The following CTNNA2 variants were observed in gnomAD, a reference collection of about 807,000 sequenced individuals.
CTNNA2 encodes catenin alpha-2.
CTNNA2 carries 42 observed loss-of-function variants against 101.0 expected under a neutral mutation model. The ratio of observed to expected loss-of-function variants is 0.42; its 90% confidence interval spans 0.32 to 0.54. The LOEUF (loss-of-function observed/expected upper bound fraction) is 0.54, where lower values mean the gene tolerates loss of function less well. Among genes scored for constraint, CTNNA2 ranks in the 20% least tolerant of loss-of-function variants. CTNNA2 has a pLI of 0.14. For synonymous variants in CTNNA2, 450 were observed against 456.4 expected, an observed-to-expected ratio of 0.99 and a Z score of 0.18; for missense variants, 871 against 1,223.1, an observed-to-expected ratio of 0.71 and a Z score of 4.29.
At chr2:80,551,092 CTG>C (rs1020440795) in intron 11 of CTNNA2, among the ~76,000 whole-genome samples, 1 of 152,200 alleles carries the variant, frequency 6.6e-6, no homozygotes, top group African/African-American at 2.4e-5. Flanking sequence ...CTATTAATCT[CTG>C]TGTATATCTC....
chr2:79,529,432 C>T (rs1208425829), intron 1 of CTNNA2, among the ~76,000 whole-genome samples: 1 of 152,098 alleles, frequency 6.6e-6, no homozygotes, highest in Non-Finnish European at 1.5e-5. Context: ...CTTCAATAGA[C>T]ATTTAGGAAT....
intron 7 of CTNNA2, among the ~76,000 whole-genome samples, chr2:79,925,595 A>G (rs1432118081): frequency 8.5e-5 from 13 of 152,124 alleles, no homozygotes; most frequent in Admixed American, 8.5e-4. Flanking sequence ...AAGAAAAAGC[A>G]AAATTTGTTT....
intron 7 of CTNNA2, among the ~76,000 whole-genome samples, chr2:80,350,113 G>A (rs940907435): frequency 2.0e-5 from 3 of 152,090 alleles, no homozygotes; most frequent in Non-Finnish European, 4.4e-5. Context: ...AGCAAGAGAA[G>A]GTATTCTTTA....
At chr2:80,467,576 A>G (rs1317636782) in intron 9 of CTNNA2, among the ~76,000 whole-genome samples, 2 of 152,238 alleles carry the variant, frequency 1.3e-5, no homozygotes, top group African/African-American at 4.8e-5. Flanking sequence ...GTTTCCTAAC[A>G]TCTATGAGTT....
chr2:80,243,469 T>G (rs1271578882), intron 7 of CTNNA2, among the ~76,000 whole-genome samples: 2 of 152,186 alleles, frequency 1.3e-5, no homozygotes, highest in Non-Finnish European at 2.9e-5. Context: ...CTGTTTTCTG[T>G]TAGTATATAT....
chr2:79,523,328 A>G, intron 1 of CTNNA2: 1 of 387,424 alleles, frequency 2.6e-6, no homozygotes, highest in South Asian at 2.0e-5. Context: ...AGCTGTGTAT[A>G]TACATATATA....
intron 7 of CTNNA2, among the ~76,000 whole-genome samples, chr2:80,005,773 G>GTT (rs34388865): frequency 0.62 from 91,326 of 147,444 alleles, 29,055 homozygotes; most frequent in East Asian, 0.76. Flanking sequence ...ATGTTTATTT[G>GTT]TTTTTTTTTT....
intron 7 of CTNNA2, among the ~76,000 whole-genome samples, chr2:79,933,065 T>C (rs1380827887): frequency 6.6e-6 from 1 of 152,210 alleles, no homozygotes; most frequent in Non-Finnish European, 1.5e-5. Flanking sequence ...TGGAGATTTT[T>C]GTTTGTGGAT....
At chr2:80,047,401 A>G (rs988778239) in intron 7 of CTNNA2, among the ~76,000 whole-genome samples, 13 of 152,322 alleles carry the variant, frequency 8.5e-5, no homozygotes, top group African/African-American at 3.1e-4. Flanking sequence ...GAGAGCACTG[A>G]TGTAGGCAAA....
At chr2:79,894,579 T>G (rs987964081) in intron 6 of CTNNA2, among the ~76,000 whole-genome samples, 2 of 152,198 alleles carry the variant, frequency 1.3e-5, no homozygotes, top group African/African-American at 2.4e-5. Context: ...ACATAGTCAC[T>G]GTTTAATCCA....
chr2:79,642,723 A>G (rs982586487), intron 1 of CTNNA2, among the ~76,000 whole-genome samples: 1 of 151,790 alleles, frequency 6.6e-6, no homozygotes, highest in Non-Finnish European at 1.5e-5. Flanking sequence ...GGTGGGAGCC[A>G]GGATGCCTTT....
intron 3 of CTNNA2, among the ~76,000 whole-genome samples, chr2:79,326,040 T>G (rs1228740499): frequency 6.6e-6 from 1 of 152,088 alleles, no homozygotes; most frequent in Non-Finnish European, 1.5e-5. Context: ...AGCTGTTGGG[T>G]TTTTGTAGAG....
At chr2:80,155,707 A>G (rs1703966248) in intron 7 of CTNNA2, among the ~76,000 whole-genome samples, 1 of 152,072 alleles carries the variant, frequency 6.6e-6, no homozygotes, top group Non-Finnish European at 1.5e-5. Context: ...GTTCCTTTGT[A>G]TCTTTTTCAT....
chr2:79,473,893 T>A (rs1447757312), intron 4 of CTNNA2, among the ~76,000 whole-genome samples: 1 of 152,182 alleles, frequency 6.6e-6, no homozygotes, highest in Non-Finnish European at 1.5e-5. Flanking sequence ...CTTTGTCCAA[T>A]AGAATTTCTC....
At chr2:79,284,624 T>C (rs2104349821) in intron 2 of CTNNA2, among the ~76,000 whole-genome samples, 1 of 149,496 alleles carries the variant, frequency 6.7e-6, no homozygotes, top group Admixed American at 6.6e-5. Flanking sequence ...TTGATCATGG[T>C]GGATAAGCTT....
intron 7 of CTNNA2, among the ~76,000 whole-genome samples, chr2:80,037,943 G>A (rs116168555): frequency 0.017 from 2,608 of 152,200 alleles, 59 homozygotes; most frequent in African/African-American, 0.053. Context: ...TATAGTAAAT[G>A]TTCATTAAAT....
intron 6 of CTNNA2, among the ~76,000 whole-genome samples, chr2:79,881,714 TG>T (rs1379430179): frequency 6.6e-6 from 1 of 151,734 alleles, no homozygotes; most frequent in Non-Finnish European, 1.5e-5. Context: ...GCATGCGAGA[TG>T]GGTCTCCTGA....
chr2:80,641,892 G>A (rs1335900669), intron 18 of CTNNA2, among the ~76,000 whole-genome samples: 1 of 151,900 alleles, frequency 6.6e-6, no homozygotes, highest in Non-Finnish European at 1.5e-5. Context: ...AAAACAGTAA[G>A]GAATATGAAA....
At chr2:79,514,864 A>G (rs1359826485) in intron 1 of CTNNA2, among the ~76,000 whole-genome samples, 2 of 152,248 alleles carry the variant, frequency 1.3e-5, no homozygotes, top group Admixed American at 6.5e-5. Flanking sequence ...TGCCAGTAAG[A>G]CACTATGCTG....
Sources: gnomAD v4.1 joint callset for allele counts (sites outside exome capture counted in the v4.1 genomes callset) on GRCh38, gnomAD v4.1.1 for gene constraint, MANE v1.5 for transcripts, NCBI Gene and HGNC (gene_info 2026-07-23, HGNC 2026-07-21) for gene names.